TAFA2: variants seen among roughly 807,000 people sequenced by gnomAD.
TAFA2 encodes the protein TAFA chemokine like family member 2, also known as chemokine-like protein TAFA-2.
Under a neutral mutation model 18.8 loss-of-function variants are expected in TAFA2, and 7 were observed. That is an observed-to-expected ratio of 0.37 (90% confidence interval 0.21 to 0.70). The LOEUF (loss-of-function observed/expected upper bound fraction) is 0.70. TAFA2 is among the 30% of genes least tolerant of loss of function. The pLI is 0.53. For missense variants in TAFA2, 122 were observed against 158.1 expected (o/e 0.77, Z 1.23); for synonymous variants, 60 against 54.2 (o/e 1.11, Z -0.47).
rs1869324858 is a variant in TAFA2, at chr12:61,710,136, A to T, written c.*270T>A. On this transcript the variant is annotated 3_prime_UTR_variant, in exon 5 of 5. Transcript: ENST00000416284. ...ACCCTGAAAAAAACAACTCTTCACC[A>T]GCTCCTCAGACAGTGACTTCAAATT... 2.3e-6 allele frequency: 1 copy of T among 437,486 alleles called. No homozygotes were observed. The highest frequency in any genetic ancestry group is 4.1e-6 in the Non-Finnish European group (1 of 244,570). The allele number at this position is 437,486 out of a possible 1,614,324, so 27.1% of individuals were successfully genotyped here.
At chr12:61,731,684 T>C (rs1870457951) in intron 4 of TAFA2, among the ~76,000 whole-genome samples, 1 of 152,102 alleles carries the variant, frequency 6.6e-6, no homozygotes, top group Non-Finnish European at 1.5e-5. Context: ...CCATTTATGA[T>C]TTACTGCTAT....
At chr12:61,896,263 G>A (rs141644558) in intron 1 of TAFA2, among the ~76,000 whole-genome samples, 8 of 152,206 alleles carry the variant, frequency 5.3e-5, no homozygotes, top group Non-Finnish European at 2.9e-5. Context: ...ATGGCTCTGG[G>A]GTTGAGAGTT....
intron 1 of TAFA2, among the ~76,000 whole-genome samples, chr12:61,987,091 G>A (rs1219669553): frequency 2.0e-5 from 3 of 152,172 alleles, no homozygotes; most frequent in African/African-American, 4.8e-5. Context: ...AATAAAAAAT[G>A]TTCTGTAGTT....
intron 4 of TAFA2, among the ~76,000 whole-genome samples, chr12:61,712,703 A>G (rs1869470149): frequency 6.6e-6 from 1 of 152,182 alleles, no homozygotes; most frequent in East Asian, 1.9e-4. Flanking sequence ...TAAGTTTTAC[A>G]CAATATTCCT....
Position 61,814,758 on chromosome 12 carries a change from A to C in TAFA2, c.106+52562T>G, listed in dbSNP as rs554771523. Among the ~76,000 whole-genome samples, 62 of 151,382 alleles carry C rather than the reference A, an allele frequency of 4.1e-4. 1 individual carries two copies. Among genetic ancestry groups the C allele is most frequent in the Non-Finnish European group, 7.1e-4 (48 of 68,034 alleles). On this transcript the variant is annotated intron_variant, in intron 2 of 4. Transcript: ENST00000416284. ...TAATCACAAGGACTCTTATAAGAGC[A>C]AAATAGGAGGGTCAGAGTCCGAAAA...
At chr12:61,901,679 G>A (rs1876106840) in intron 1 of TAFA2, among the ~76,000 whole-genome samples, 2 of 152,070 alleles carry the variant, frequency 1.3e-5, no homozygotes. Flanking sequence ...AAGATCAGAA[G>A]AAGTACTATA....
At chr12:61,824,576 G>A (rs890439520) in intron 2 of TAFA2, among the ~76,000 whole-genome samples, 2 of 152,030 alleles carry the variant, frequency 1.3e-5, no homozygotes, top group African/African-American at 4.8e-5. Context: ...AAGTCATAAT[G>A]TTTTATTGTC....
chr12:61,867,573 G>A (rs2121220315), intron 1 of TAFA2, 147 bp from the exon 2 acceptor site: 2 of 573,440 alleles, frequency 3.5e-6, no homozygotes, highest in East Asian at 5.8e-5. Context: ...GCTGTTCACT[G>A]TATACAAACG....
intron 1 of TAFA2, among the ~76,000 whole-genome samples, chr12:62,118,481 A>C (rs1042382878): frequency 6.6e-6 from 1 of 152,042 alleles, no homozygotes; most frequent in African/African-American, 2.4e-5. Flanking sequence ...GTTTTATTGG[A>C]TATCTAGGAG....
At chr12:62,026,171 C>G (rs1186715127) in intron 1 of TAFA2, among the ~76,000 whole-genome samples, 4 of 152,136 alleles carry the variant, frequency 2.6e-5, no homozygotes, top group Non-Finnish European at 5.9e-5. Flanking sequence ...AGTTTATTGT[C>G]TTTCTCTAAC....
chr12:61,775,300 CT>C (rs1051572632), intron 2 of TAFA2, among the ~76,000 whole-genome samples: 1 of 151,830 alleles, frequency 6.6e-6, no homozygotes, highest in Non-Finnish European at 1.5e-5. Context: ...CAATAGTGCT[CT>C]TTGGTACTTA....
chr12:61,889,118 A>G (rs1875518011), intron 1 of TAFA2, among the ~76,000 whole-genome samples: 1 of 152,154 alleles, frequency 6.6e-6, no homozygotes, highest in Non-Finnish European at 1.5e-5. Flanking sequence ...ACTCTACCCA[A>G]TAGAAGTAAC....
chr12:61,759,979 A>G lies in TAFA2; in HGVS notation c.107-4955T>C, dbSNP rs1480782443. Among the ~76,000 whole-genome samples the G allele has an allele frequency of 2.6e-5, 4 of 151,354 alleles. No homozygotes were observed. The East Asian group carries it at 7.9e-4, about 30-fold the overall frequency. The stretch of plus-strand genomic sequence containing the variant: ...GGGAAAGAGAGGTATGCCCTCCTTC[A>G]GAGAGCATGATGCTAGATGTTAGGA... On this transcript the variant is annotated intron_variant, in intron 2 of 4. Coordinates refer to ENST00000416284, the MANE Select transcript of TAFA2 (RefSeq NM_178539.5).
intron 1 of TAFA2, among the ~76,000 whole-genome samples, chr12:62,198,574 A>G (rs775768373): frequency 5.9e-5 from 9 of 151,776 alleles, no homozygotes; most frequent in Non-Finnish European, 1.2e-4. Flanking sequence ...ATTGCTACCT[A>G]CAAGCCATTC....
At chr12:61,764,261 T>TAGATAGA (rs68057414) in intron 2 of TAFA2, among the ~76,000 whole-genome samples, 1 of 151,818 alleles carries the variant, frequency 6.6e-6, no homozygotes. Flanking sequence ...GATAGATAGA[T>TAGATAGA]TTTTAATGGC....
intron 1 of TAFA2, chr12:61,878,253 T>A (rs977614959): frequency 5.3e-5 from 18 of 339,170 alleles, no homozygotes; most frequent in African/African-American, 3.0e-4. Flanking sequence ...ACATTGTGAA[T>A]GTACTTAATG....
intron 1 of TAFA2, among the ~76,000 whole-genome samples, chr12:62,144,729 C>T (rs2062268568): frequency 6.6e-6 from 1 of 152,196 alleles, no homozygotes; most frequent in Non-Finnish European, 1.5e-5. Flanking sequence ...TTAAGTAGAA[C>T]CCAACCTATG....
chr12:61,773,493 T>C (rs537388095), intron 2 of TAFA2, among the ~76,000 whole-genome samples: 142 of 152,132 alleles, frequency 9.3e-4, no homozygotes, highest in African/African-American at 3.2e-3. Flanking sequence ...ATCATGGTAC[T>C]GGCATAAAAA....
chr12:61,827,868 T>G (rs963895543), intron 2 of TAFA2, among the ~76,000 whole-genome samples: 1 of 151,988 alleles, frequency 6.6e-6, no homozygotes, highest in Non-Finnish European at 1.5e-5. Context: ...AAATCCTCCA[T>G]GTGTTCAAAA....
Sources: gnomAD v4.1 joint callset for allele counts (sites outside exome capture counted in the v4.1 genomes callset) on GRCh38, gnomAD v4.1.1 for gene constraint, MANE v1.5 for transcripts, NCBI Gene and HGNC (gene_info 2026-07-23, HGNC 2026-07-21) for gene names.